Variants in TNNI3K observed in about 807,000 individuals in gnomAD.
TNNI3K encodes serine/threonine-protein kinase TNNI3K.
TNNI3K carries 140 observed loss-of-function variants against 114.5 expected under a neutral mutation model. The observed-to-expected ratio is 1.22, with a 90% CI of 1.07 to 1.41. TNNI3K has a LOEUF of 1.41. Among genes scored for constraint, TNNI3K ranks in the 40% most tolerant of loss-of-function variants. TNNI3K has a pLI of 0.00. For missense variants in TNNI3K, 1,125 were observed against 1,007.6 expected (o/e 1.12, Z -1.58); for synonymous variants, 347 against 347.5 (o/e 1.00, Z 0.02).
chr1:74,423,049 C>T (rs1407007818), intron 17 of TNNI3K, among the ~76,000 whole-genome samples: 1 of 152,056 alleles, frequency 6.6e-6, no homozygotes, highest in Non-Finnish European at 1.5e-5. Context: ...TCACACATCA[C>T]ATTTTCTATT....
intron 5 of TNNI3K, among the ~76,000 whole-genome samples, chr1:74,297,330 C>T (rs534652200): frequency 6.6e-6 from 1 of 152,184 alleles, no homozygotes; most frequent in East Asian, 1.9e-4. Context: ...AAACACGAAT[C>T]CCCCTTGGGA....
chr1:74,387,192 T>C (rs902578710), intron 17 of TNNI3K, among the ~76,000 whole-genome samples: 1 of 152,232 alleles, frequency 6.6e-6, no homozygotes, highest in African/African-American at 2.4e-5. Context: ...TGTTTTCTAT[T>C]GTGCTTCACA....
At chr1:74,359,729 G>A (rs1423933711) in intron 11 of TNNI3K, among the ~76,000 whole-genome samples, 1 of 151,944 alleles carries the variant, frequency 6.6e-6, no homozygotes, top group African/African-American at 2.4e-5. Flanking sequence ...CTTTCCTACA[G>A]CAGGGTTTTT....
chr1:74,543,811 A>G (rs1184987869), intron 24 of TNNI3K, 95 bp from the exon 25 acceptor site: 3 of 1,400,536 alleles, frequency 2.1e-6, no homozygotes, highest in African/African-American at 2.8e-5. Flanking sequence ...TGTTCACATG[A>G]TCTGGAAGAC....
intron 5 of TNNI3K, among the ~76,000 whole-genome samples, chr1:74,314,617 C>T (rs560491265): frequency 1.4e-4 from 22 of 152,190 alleles, no homozygotes; most frequent in African/African-American, 4.6e-4. Context: ...GTACAGCATC[C>T]TTTGCAACTG....
chr1:74,498,471 C>T (rs1417470663), intron 23 of TNNI3K, among the ~76,000 whole-genome samples: 3 of 152,094 alleles, frequency 2.0e-5, no homozygotes, highest in South Asian at 2.1e-4. Flanking sequence ...AAATTCTCTT[C>T]TTTTTTGTTT....
At chr1:74,354,687 T>G (rs575263083) in intron 11 of TNNI3K, among the ~76,000 whole-genome samples, 32 of 152,356 alleles carry the variant, frequency 2.1e-4, no homozygotes, top group Admixed American at 2.6e-4. Flanking sequence ...TCAAGCCATA[T>G]TATTTGATCT....
At chr1:74,290,567 T>C (rs1000694637) in intron 5 of TNNI3K, among the ~76,000 whole-genome samples, 1 of 151,804 alleles carries the variant, frequency 6.6e-6, no homozygotes, top group Non-Finnish European at 1.5e-5. Flanking sequence ...AAACAGTGCA[T>C]GGATATGGTG....
intron 22 of TNNI3K, among the ~76,000 whole-genome samples, chr1:74,490,381 T>C (rs1669004631): frequency 6.6e-6 from 1 of 152,154 alleles, no homozygotes; most frequent in South Asian, 2.1e-4. Context: ...AAATATCCTC[T>C]CATTTTGAAA....
chr1:74,235,536 C>T (rs1653794940), intron 1 of TNNI3K, 45 bp downstream of exon 1: 1 of 1,056,684 alleles, frequency 9.5e-7, no homozygotes, highest in African/African-American at 1.7e-5. Context: ...TAATATGGTT[C>T]AATTATAGTT....
At chr1:74,491,072 AG>A (rs1477791971) in intron 22 of TNNI3K, among the ~76,000 whole-genome samples, 6 of 152,200 alleles carry the variant, frequency 3.9e-5, no homozygotes, top group Admixed American at 2.0e-4. Flanking sequence ...AGCCTTTTAA[AG>A]GAATAATTAA....
At chr1:74,457,959 A>G (rs1440576000) in intron 20 of TNNI3K, among the ~76,000 whole-genome samples, 1 of 152,204 alleles carries the variant, frequency 6.6e-6, no homozygotes, top group African/African-American at 2.4e-5. Flanking sequence ...GAACCTAAAA[A>G]GGACCTAAGT....
At chr1:74,417,678 G>A (rs980279065) in intron 17 of TNNI3K, among the ~76,000 whole-genome samples, 8 of 62,380 alleles carry the variant, frequency 1.3e-4, no homozygotes, top group African/African-American at 1.5e-4. Context: ...AAAAGTGTAC[G>A]TGTTTGTGTG....
chr1:74,475,274 T>C (rs1417732401), intron 21 of TNNI3K: 7 of 627,952 alleles, frequency 1.1e-5, no homozygotes, highest in African/African-American at 1.1e-4. Flanking sequence ...AGTGGGATTT[T>C]CTAAAACAAG....
intron 23 of TNNI3K, among the ~76,000 whole-genome samples, chr1:74,532,040 T>C (rs1646593084): frequency 6.6e-6 from 1 of 152,212 alleles, no homozygotes; most frequent in Non-Finnish European, 1.5e-5. Context: ...GCCTGAAGTC[T>C]TTAATCACAC....
chr1:74,378,234 T>A (rs1349249749), intron 17 of TNNI3K, among the ~76,000 whole-genome samples: 1 of 151,994 alleles, frequency 6.6e-6, no homozygotes, highest in Non-Finnish European at 1.5e-5. Flanking sequence ...TCAACTGCAA[T>A]CAGATTCAAT....
chr1:74,392,218 G>A (rs977813120), intron 17 of TNNI3K, among the ~76,000 whole-genome samples: 1 of 152,084 alleles, frequency 6.6e-6, no homozygotes, highest in Admixed American at 6.5e-5. Flanking sequence ...GGTCAGGGAG[G>A]GATTTGAAGG....
chr1:74,390,362 C>T, intron 17 of TNNI3K, among the ~76,000 whole-genome samples: 1 of 152,158 alleles, frequency 6.6e-6, no homozygotes, highest in East Asian at 1.9e-4. Context: ...AGGTACTCTG[C>T]TTTGATTGTG....
At chr1:74,288,020 A>G (rs1320283346) in intron 5 of TNNI3K, among the ~76,000 whole-genome samples, 1 of 152,160 alleles carries the variant, frequency 6.6e-6, no homozygotes, top group Non-Finnish European at 1.5e-5. Flanking sequence ...GGGAAATGCA[A>G]ATTAAAACTA....
Sources: allele counts gnomAD v4.1 joint callset (sites outside exome capture counted in the v4.1 genomes callset), GRCh38; gene constraint gnomAD v4.1.1; transcripts MANE v1.5; gene names NCBI Gene and HGNC (gene_info 2026-07-23, HGNC 2026-07-21).